Variants in ERCC8 observed in about 807,000 individuals in gnomAD.
ERCC8 encodes the protein DNA excision repair protein ERCC-8.
In ERCC8, 52 loss-of-function variants were observed where a neutral mutation model predicts 54.9. That is an observed-to-expected ratio of 0.95 (90% confidence interval 0.76 to 1.19). ERCC8 has a LOEUF of 1.19. Among genes scored for constraint, ERCC8 ranks in the 50% most tolerant of loss-of-function variants. ERCC8 has a pLI of 0.00. For synonymous variants in ERCC8, 146 were observed against 157.2 expected, an observed-to-expected ratio of 0.93 and a Z score of 0.53; for missense variants, 514 against 466.1, an observed-to-expected ratio of 1.10 and a Z score of -0.95.
intron 9 of ERCC8, among the ~76,000 whole-genome samples, chr5:60,894,250 C>A (rs944495538): frequency 6.6e-6 from 1 of 152,256 alleles, no homozygotes; most frequent in East Asian, 1.9e-4. Flanking sequence ...TCCCAAAGTG[C>A]TGGGATTACA....
Position 60,873,892 on chromosome 5 carries a change from G to A in ERCC8, c.*723C>T, listed in dbSNP as rs1415399370. On this transcript the variant is annotated 3_prime_UTR_variant, in exon 12 of 12. Coordinates refer to ENST00000676185, the MANE Select transcript of ERCC8 (RefSeq NM_000082.4). Reference sequence around the variant, plus strand: ...ATGTTTAAGCCAGATTCCCTGCCAGGATATTTTCTGCTTGAATTAATGAGG... The same window carrying A: ...ATGTTTAAGCCAGATTCCCTGCCAGAATATTTTCTGCTTGAATTAATGAGG... 6.6e-6 allele frequency: 1 copy of A among 152,036 alleles called. No individual in the cohort carries two copies. The allele number at this position is 152,036 out of a possible 1,614,324, so 9.4% of individuals were successfully genotyped here. A position where few individuals can be genotyped will look rare whatever the true frequency, so the allele number is the denominator to read the frequency against.
At chr5:60,938,293 CCA>C (rs1205911960) in intron 1 of ERCC8, among the ~76,000 whole-genome samples, 4 of 149,414 alleles carry the variant, frequency 2.7e-5, no homozygotes, top group African/African-American at 9.8e-5. Flanking sequence ...TGAATTATTT[CCA>C]GTTTCTATAC....
At position 60,874,811 on chromosome 5, in the gene ERCC8, A is replaced by C. The variant is rs1747950918; in HGVS notation, c.1123-128T>G. The C allele has an allele frequency of 6.5e-6, 5 of 766,172 alleles. No individual in the cohort carries two copies. In the South Asian group the frequency reaches 9.0e-5, roughly 14 times the overall value. The allele number at this position is 766,172 out of a possible 1,614,324, so 47.5% of individuals were successfully genotyped here. A position where few individuals can be genotyped will look rare whatever the true frequency, so the allele number is the denominator to read the frequency against. Reference sequence around the variant, plus strand: ...ACATTATTTTGGAAGAAAATGTATAACTGTTAATTTCAGAACAAAAATAAG... The same window carrying C: ...ACATTATTTTGGAAGAAAATGTATACCTGTTAATTTCAGAACAAAAATAAG... On this transcript the variant is annotated intron_variant, in intron 11 of 11. Transcript: ENST00000676185.
At chr5:60,919,110 AG>A in intron 3 of ERCC8, among the ~76,000 whole-genome samples, 1 of 152,160 alleles carries the variant, frequency 6.6e-6, no homozygotes, top group African/African-American at 2.4e-5. Context: ...ATTTGAACAC[AG>A]ACTGGATATT....
intron 7 of ERCC8, chr5:60,900,587 A>T (rs929147423): frequency 2.0e-5 from 3 of 152,216 alleles, no homozygotes; most frequent in Admixed American, 6.5e-5. Context: ...TATAACCTCG[A>T]TTCTTTTCAC....
chr5:60,874,061 T>C lies in ERCC8; in HGVS notation c.*554A>G, dbSNP rs1253910110. On this transcript the variant is annotated 3_prime_UTR_variant, in exon 12 of 12. Coordinates refer to ENST00000676185, the MANE Select transcript of ERCC8 (RefSeq NM_000082.4). ...CTCCTGTGATGCACATTTTGGATAG[T>C]AGGAGACATTGAGCCCCAAAATGTT... The C allele has an allele frequency of 2.0e-5, 3 of 152,386 alleles. No individual in the cohort carries two copies. Among genetic ancestry groups the C allele is most frequent in the East Asian group, 3.8e-4 (2 of 5,210 alleles). The allele number at this position is 152,386 out of a possible 1,614,324, so 9.4% of individuals were successfully genotyped here. A position where few individuals can be genotyped will look rare whatever the true frequency, so the allele number is the denominator to read the frequency against.
chr5:60,924,098 C>T (rs1749681543), intron 2 of ERCC8, among the ~76,000 whole-genome samples: 1 of 152,030 alleles, frequency 6.6e-6, no homozygotes, highest in Non-Finnish European at 1.5e-5. Flanking sequence ...TTATTTGTTG[C>T]AAAAACCAGA....
chr5:60,902,558 A>T, intron 6 of ERCC8, 50 bp from the exon 7 acceptor site: 1 of 1,488,994 alleles, frequency 6.7e-7, no homozygotes, highest in Non-Finnish European at 9.4e-7. Flanking sequence ...GAAAAATCAG[A>T]AGATAAAGTG....
At chr5:60,907,609 T>G (rs144636838) in intron 4 of ERCC8, 182 of 152,372 alleles carry the variant, frequency 1.2e-3, no homozygotes, top group Admixed American at 2.4e-3. Flanking sequence ...ATCCCCCTAC[T>G]TGTGTTCAGA....
chr5:60,868,049 G>A lies in ERCC8; in HGVS notation c.*6566C>T, dbSNP rs1332014758. Among the ~76,000 whole-genome samples, 4 of 152,088 alleles carry A rather than the reference G, an allele frequency of 2.6e-5. No homozygotes were observed. Among genetic ancestry groups the A allele is most frequent in the Admixed American group, 6.5e-5 (1 of 15,268 alleles). On this transcript the variant is annotated 3_prime_UTR_variant, in exon 12 of 12. Transcript: ENST00000676185. ...TACAAAATAAGCCAGGCATGGTGGC[G>A]CATGCCTGTAATCCCAGCTACTTGG...
intron 4 of ERCC8, among the ~76,000 whole-genome samples, chr5:60,915,901 GACATGATGCTGCCTACC>G (rs1749419048): frequency 6.6e-6 from 1 of 151,890 alleles, no homozygotes; most frequent in African/African-American, 2.4e-5. Flanking sequence ...CTGGGAGCGG[GACATGATGCTGCCTACC>G]ACAGGCTCCA....
At position 60,867,893 on chromosome 5, in the gene ERCC8, A is replaced by G. The variant is rs1041575815; in HGVS notation, c.*6722T>C. 6.6e-5 allele frequency among the ~76,000 whole-genome samples: 10 copies of G among 152,216 alleles called. No homozygotes were observed. Among genetic ancestry groups the G allele is most frequent in the African/African-American group, 2.4e-4 (10 of 41,466 alleles). ...AATAAATTGTTGCCTTAAAGAGCTG[A>G]CTACAGGCTGGCCGCGGTGGCTCAT... On this transcript the variant is annotated 3_prime_UTR_variant, in exon 12 of 12. Coordinates refer to ENST00000676185, the MANE Select transcript of ERCC8 (RefSeq NM_000082.4).
At position 60,871,492 on chromosome 5, in the gene ERCC8, G is replaced by T. The variant is rs548094197; in HGVS notation, c.*3123C>A. Among the ~76,000 whole-genome samples the T allele has an allele frequency of 1.3e-5, 2 of 152,228 alleles. No individual in the cohort carries two copies. Among genetic ancestry groups the T allele is most frequent in the African/African-American group, 4.8e-5 (2 of 41,558 alleles). ...TTGTGGCAGCAGGGGTAAGGACTGG[G>T]GAATGTGGTACTAATGTGGAAAGAG... On this transcript the variant is annotated 3_prime_UTR_variant, in exon 12 of 12. Coordinates refer to ENST00000676185, the MANE Select transcript of ERCC8 (RefSeq NM_000082.4).
chr5:60,877,468 C>T (rs545079299), intron 11 of ERCC8, among the ~76,000 whole-genome samples: 13 of 152,274 alleles, frequency 8.5e-5, no homozygotes, highest in African/African-American at 2.2e-4. Flanking sequence ...CCTTGGGCAG[C>T]ATGGCCATTT....
At chr5:60,925,660 G>A (rs760464394) in intron 2 of ERCC8, among the ~76,000 whole-genome samples, 9 of 152,156 alleles carry the variant, frequency 5.9e-5, no homozygotes, top group Non-Finnish European at 1.0e-4. Flanking sequence ...TTAGTTGTCA[G>A]TGGTTTGTTC....
At position 60,873,500 on chromosome 5, in the gene ERCC8, C is replaced by T. The variant is rs4647165; in HGVS notation, c.*1115G>A. On this transcript the variant is annotated 3_prime_UTR_variant, in exon 12 of 12. Transcript: ENST00000676185. ...AACCAGCCTGGCCAACATGGTGAAA[C>T]CCCATCTCTACTGAAAATACAAAAA... Among the ~76,000 whole-genome samples, 608 of 152,170 alleles carry T rather than the reference C, an allele frequency of 4.0e-3. 5 individuals carry two copies. Among genetic ancestry groups the T allele is most frequent in the African/African-American group, 0.014 (564 of 41,524 alleles).
At chr5:60,940,080 C>A (rs541594875) in intron 1 of ERCC8, among the ~76,000 whole-genome samples, 138 of 152,272 alleles carry the variant, frequency 9.1e-4, no homozygotes, top group African/African-American at 3.2e-3. Flanking sequence ...TCTTTTGAAT[C>A]TACCCTCCTA....
chr5:60,891,174 G>A (rs949855273), intron 9 of ERCC8, 88 bp from the exon 10 acceptor site: 1 of 877,436 alleles, frequency 1.1e-6, no homozygotes, highest in African/African-American at 1.7e-5. Context: ...AAAATATTAT[G>A]CTATAAAAAG....
intron 7 of ERCC8, 21 bp downstream of exon 7, chr5:60,902,421 A>G: frequency 6.3e-7 from 1 of 1,581,848 alleles, no homozygotes; most frequent in Non-Finnish European, 8.7e-7. Flanking sequence ...TAACTTCAAA[A>G]GCAAATAAGT....
Sources: allele counts gnomAD v4.1 joint callset (sites outside exome capture counted in the v4.1 genomes callset), GRCh38; gene constraint gnomAD v4.1.1; transcripts MANE v1.5; gene names NCBI Gene and HGNC (gene_info 2026-07-23, HGNC 2026-07-21).